KLF13: variants seen among roughly 807,000 people sequenced by gnomAD.
The protein encoded by KLF13 is Krueppel-like factor 13.
In KLF13, 8 loss-of-function variants were observed where a neutral mutation model predicts 16.7. The ratio of observed to expected loss-of-function variants is 0.48; its 90% confidence interval spans 0.28 to 0.87. KLF13 has a LOEUF of 0.87. Among genes scored for constraint, KLF13 ranks in the 40% least tolerant of loss-of-function variants. The pLI, the probability that KLF13 is intolerant of heterozygous loss-of-function variation, is 0.10. For synonymous variants in KLF13, 245 were observed against 208.4 expected, an observed-to-expected ratio of 1.18 and a Z score of -1.51; for missense variants, 447 against 452.2, an observed-to-expected ratio of 0.99 and a Z score of 0.10.
At chr15:31,362,182 G>A (rs888583430) in intron 1 of KLF13, among the ~76,000 whole-genome samples, 1 of 152,178 alleles carries the variant, frequency 6.6e-6, no homozygotes, top group African/African-American at 2.4e-5. Flanking sequence ...CTCTGGAACT[G>A]CTTCTGTTTA....
intron 1 of KLF13, among the ~76,000 whole-genome samples, chr15:31,423,100 C>A (rs55856919): frequency 1.7e-5 from 1 of 58,670 alleles, no homozygotes; most frequent in Non-Finnish European, 3.8e-5. Flanking sequence ...CGTATATATA[C>A]GTATACGTAT....
chr15:31,388,031 A>G (rs1389255916), upstream of KLF13, among the ~76,000 whole-genome samples: 1 of 152,190 alleles, frequency 6.6e-6, no homozygotes, highest in Non-Finnish European at 1.5e-5. Context: ...CCTTTAAAAC[A>G]AGAACAGGTT....
At chr15:31,391,653 G>A (rs1054711057), upstream of KLF13, among the ~76,000 whole-genome samples, 21 of 150,834 alleles carry the variant, frequency 1.4e-4, no homozygotes, top group Non-Finnish European at 1.8e-4. Flanking sequence ...GGCTGCCGTG[G>A]GCCGGTCCGA....
chr15:31,405,311 C>G (rs1444753459), downstream of KLF13, among the ~76,000 whole-genome samples: 1 of 152,088 alleles, frequency 6.6e-6, no homozygotes, highest in Admixed American at 6.5e-5. Flanking sequence ...GAGACTCCGT[C>G]TCAAAAAAAC....
At position 31,327,116 on chromosome 15, in the gene KLF13, G is replaced by GCGCCCC. The variant is rs1489849364; in HGVS notation, c.-89_-84dup. The GCGCCCC allele has an allele frequency of 2.2e-6, 1 of 463,512 alleles. No individual in the cohort carries two copies. The highest frequency in any genetic ancestry group is 1.3e-4 in the East Asian group (1 of 7,580). 28.7% of individuals were successfully genotyped at this position (463,512 alleles called of 1,614,324 possible). A position where few individuals can be genotyped will look rare whatever the true frequency, so the allele number is the denominator to read the frequency against. ...GCCCAGCCCGAGGAGAGGGCGCGCC[G>GCGCCCC]CGCCCCCGCCCCCCGCCCGCTCTCC... On this transcript the variant is annotated 5_prime_UTR_variant, in exon 1 of 2. Coordinates refer to ENST00000307145, the MANE Select transcript of KLF13 (RefSeq NM_015995.4).
downstream of KLF13, among the ~76,000 whole-genome samples, chr15:31,382,452 T>A (rs1206503756): frequency 6.6e-6 from 1 of 152,190 alleles, no homozygotes; most frequent in Non-Finnish European, 1.5e-5. Flanking sequence ...CAGCTGCCTT[T>A]TAAGCTCTGA....
At chr15:31,408,989 T>A (rs1566841804), downstream of KLF13, among the ~76,000 whole-genome samples, 1 of 152,182 alleles carries the variant, frequency 6.6e-6, no homozygotes, top group South Asian at 2.1e-4. Context: ...CAAACAGTTT[T>A]AAAAAAACAA....
At chr15:31,388,605 CAAAAAA>C (rs5811640), upstream of KLF13, among the ~76,000 whole-genome samples, 17 of 92,362 alleles carry the variant, frequency 1.8e-4, no homozygotes, top group Non-Finnish European at 3.9e-4. Context: ...AACTCTGTCT[CAAAAAA>C]AAAAAAAAAA....
At position 31,342,805 on chromosome 15, in the gene KLF13, C is replaced by CT. The variant is rs537770360; in HGVS notation, c.577+15018dup. 4.2e-3 allele frequency among the ~76,000 whole-genome samples: 639 copies of CT among 152,354 alleles called. 12 individuals are homozygous for CT. Among genetic ancestry groups the CT allele is most frequent in the African/African-American group, 0.015 (611 of 41,572 alleles). ...CATGAGGCCTTCTTGAGGCTGGCCT[C>CT]TTGGCTGCTGAGCTGGGCCTTCGCA... is the stretch of plus-strand genomic sequence containing the variant. On this transcript the variant is annotated intron_variant, in intron 1 of 1. Coordinates refer to ENST00000307145, the MANE Select transcript of KLF13 (RefSeq NM_015995.4).
chr15:31,408,974 A>C (rs192604591), downstream of KLF13, among the ~76,000 whole-genome samples: 456 of 152,296 alleles, frequency 3.0e-3, 3 homozygotes, highest in African/African-American at 0.01. Flanking sequence ...AAAAACAAAG[A>C]ACAACAAACA....
rs1390949578 is a variant in KLF13 at position 31,327,090 on chromosome 15, A to G, written c.-123A>G. On this transcript the variant is annotated 5_prime_UTR_variant, in exon 1 of 2. Transcript: ENST00000307145. ...GGCGGCTGCGCGCCCAGCCCAGCCCAGCCCAGCCCGAGGAGAGGGCGCGCC... is the reference window on the plus strand; with the variant it reads ...GGCGGCTGCGCGCCCAGCCCAGCCCGGCCCAGCCCGAGGAGAGGGCGCGCC... 9 of 540,252 alleles carry G rather than the reference A, an allele frequency of 1.7e-5. No homozygotes were observed. The highest frequency in any genetic ancestry group is 2.2e-5 in the Non-Finnish European group (9 of 409,910). 33.5% of individuals were successfully genotyped at this position (540,252 alleles called of 1,614,324 possible). A position where few individuals can be genotyped will look rare whatever the true frequency, so the allele number is the denominator to read the frequency against.
intron 2 of KLF13, among the ~76,000 whole-genome samples, chr15:31,400,863 T>G (rs1387928547): frequency 6.6e-6 from 1 of 152,020 alleles, no homozygotes; most frequent in Non-Finnish European, 1.5e-5. Context: ...GGCTGTGACA[T>G]GTGGGAGAGA....
At chr15:31,354,005 T>A (rs1384188022) in intron 1 of KLF13, among the ~76,000 whole-genome samples, 1 of 152,184 alleles carries the variant, frequency 6.6e-6, no homozygotes, top group Admixed American at 6.5e-5. Context: ...GGACCCAGGT[T>A]GTAGTGTGGG....
intron 1 of KLF13, among the ~76,000 whole-genome samples, chr15:31,359,305 A>T (rs765180744): frequency 1.3e-5 from 2 of 152,178 alleles, no homozygotes; most frequent in Non-Finnish European, 2.9e-5. Context: ...TTTAAAAGGG[A>T]CCTTGAGAAC....
At chr15:31,357,654 C>T (rs1041907011) in intron 1 of KLF13, among the ~76,000 whole-genome samples, 8 of 152,168 alleles carry the variant, frequency 5.3e-5, no homozygotes, top group Admixed American at 2.0e-4. Flanking sequence ...GGTCTGGAGT[C>T]GTCAGTCCAG....
At chr15:31,383,712 A>G (rs1422712160) in intron 1 of KLF13, among the ~76,000 whole-genome samples, 2 of 152,148 alleles carry the variant, frequency 1.3e-5, no homozygotes, top group Non-Finnish European at 2.9e-5. Context: ...CATCCTGGCT[A>G]ACACGGTGAA....
rs1285635629 is a variant in KLF13, at chr15:31,372,399, C to T, written c.*100C>T. The stretch of plus-strand genomic sequence containing the variant: ...GAGAGAGAACTTGATGCAAAGTCCA[C>T]GAAAAAACAATTTTTTTCACCTCAG... On this transcript the variant is annotated 3_prime_UTR_variant, in exon 2 of 2. Coordinates refer to ENST00000307145, the MANE Select transcript of KLF13 (RefSeq NM_015995.4). 17 of 1,248,684 alleles carry T rather than the reference C, an allele frequency of 1.4e-5. No homozygotes were observed. Among genetic ancestry groups the T allele is most frequent in the Admixed American group, 1.0e-4 (3 of 28,770 alleles). 77.4% of individuals were successfully genotyped at this position (1,248,684 alleles called of 1,614,324 possible). A position where few individuals can be genotyped will look rare whatever the true frequency, so the allele number is the denominator to read the frequency against.
exon 3 of KLF13, chr15:31,403,496 T>A (rs2040070678): frequency 6.6e-6 from 1 of 152,192 alleles, no homozygotes. Context: ...ACTACTTCTA[T>A]CCCAGGAAGT....
intron 1 of KLF13, among the ~76,000 whole-genome samples, chr15:31,427,318 C>G (rs1239765538): frequency 6.8e-6 from 1 of 147,566 alleles, no homozygotes; most frequent in Non-Finnish European, 1.5e-5. Context: ...TTAGGAGGAC[C>G]ACTGTAAAAA....
Sources: allele counts gnomAD v4.1 joint callset (sites outside exome capture counted in the v4.1 genomes callset), GRCh38; gene constraint gnomAD v4.1.1; transcripts MANE v1.5; gene names NCBI Gene and HGNC (gene_info 2026-07-23, HGNC 2026-07-21).